Variants in SCLT1 observed in about 807,000 individuals in gnomAD.
SCLT1 encodes the protein sodium channel and clathrin linker 1, also known as sodium channel-associated protein 1.
SCLT1 carries 78 observed loss-of-function variants against 112.8 expected under a neutral mutation model. That is an observed-to-expected ratio of 0.69 (90% CI 0.58 to 0.83). SCLT1 has a LOEUF of 0.83. SCLT1 is among the 40% of genes least tolerant of loss of function. SCLT1 has a pLI of 0.00. For missense variants in SCLT1, 747 were observed against 770.4 expected (o/e 0.97, Z 0.36); for synonymous variants, 257 against 254.7 (o/e 1.01, Z -0.09).
chr4:128,892,737 A>T (rs1344574478), intron 18 of SCLT1, among the ~76,000 whole-genome samples: 1 of 152,238 alleles, frequency 6.6e-6, no homozygotes, highest in Non-Finnish European at 1.5e-5. Context: ...TTGTCATCAC[A>T]GAACTGACAG....
intron 18 of SCLT1, among the ~76,000 whole-genome samples, chr4:128,933,829 C>T (rs1042366823): frequency 6.6e-6 from 1 of 151,916 alleles, no homozygotes; most frequent in Non-Finnish European, 1.5e-5. Flanking sequence ...ACTCAACTGC[C>T]TTATCCTATA....
chr4:128,908,464 A>T (rs1454089270), intron 18 of SCLT1, among the ~76,000 whole-genome samples: 1 of 152,090 alleles, frequency 6.6e-6, no homozygotes, highest in Admixed American at 6.6e-5. Flanking sequence ...TGTTTTACAA[A>T]GTGAAGAGAA....
At chr4:128,967,955 TC>T (rs1475886212) in intron 10 of SCLT1, among the ~76,000 whole-genome samples, 24 of 152,322 alleles carry the variant, frequency 1.6e-4, no homozygotes, top group Admixed American at 2.0e-4. Context: ...TTCCACAGTT[TC>T]TTGATGAGAA....
At chr4:129,069,521 C>A (rs1310878834) in intron 2 of SCLT1, among the ~76,000 whole-genome samples, 2 of 143,872 alleles carry the variant, frequency 1.4e-5, no homozygotes, top group African/African-American at 2.5e-5. Flanking sequence ...ATTTTTGCAG[C>A]TTTGTAAAAG....
intron 8 of SCLT1, 151 bp from the exon 9 acceptor site, chr4:128,992,388 T>C (rs1742652915): frequency 1.8e-6 from 1 of 547,376 alleles, no homozygotes; most frequent in Non-Finnish European, 3.2e-6. Flanking sequence ...CTTGGCCTTC[T>C]TTCCTTGCCT....
intron 5 of SCLT1, among the ~76,000 whole-genome samples, chr4:129,010,563 C>A (rs1312879759): frequency 2.0e-5 from 3 of 152,044 alleles, no homozygotes; most frequent in East Asian, 3.9e-4. Context: ...AACATTTTTT[C>A]ATTTGTTTGT....
intron 18 of SCLT1, among the ~76,000 whole-genome samples, chr4:128,918,471 C>A (rs1169589696): frequency 6.6e-6 from 1 of 152,048 alleles, no homozygotes; most frequent in Non-Finnish European, 1.5e-5. Flanking sequence ...TCTGAAATAA[C>A]TCAGATAAAA....
At chr4:128,885,929 T>C (rs1311494498) in intron 20 of SCLT1, among the ~76,000 whole-genome samples, 1 of 152,198 alleles carries the variant, frequency 6.6e-6, no homozygotes, top group Admixed American at 6.5e-5. Flanking sequence ...TCCATAAACT[T>C]CCTTTATATA....
At chr4:128,983,042 C>A (rs1161564695) in intron 9 of SCLT1, among the ~76,000 whole-genome samples, 1 of 152,014 alleles carries the variant, frequency 6.6e-6, no homozygotes, top group Non-Finnish European at 1.5e-5. Context: ...GCATATGCCA[C>A]CACGTCCGGC....
At chr4:129,004,250 G>C (rs1208687272) in intron 5 of SCLT1, among the ~76,000 whole-genome samples, 1 of 152,046 alleles carries the variant, frequency 6.6e-6, no homozygotes, top group East Asian at 1.9e-4. Flanking sequence ...TCAATTAAAT[G>C]AAAATTATAT....
chr4:128,877,752 T>C (rs1029375110), intron 3 of SCLT1, among the ~76,000 whole-genome samples: 3 of 151,994 alleles, frequency 2.0e-5, no homozygotes, highest in African/African-American at 7.2e-5. Context: ...GTTAAATGAA[T>C]TGGTAAATTT....
chr4:128,932,809 T>C (rs538301817), intron 18 of SCLT1, among the ~76,000 whole-genome samples: 1 of 152,158 alleles, frequency 6.6e-6, no homozygotes, highest in Admixed American at 6.6e-5. Context: ...TTAACAGCAA[T>C]CTATCTGAAA....
Position 129,039,021 on chromosome 4 carries a change from C to T in SCLT1, c.290+20G>A. On this transcript the variant is annotated intron_variant, in intron 5 of 20. Coordinates refer to ENST00000281142, the MANE Select transcript of SCLT1 (RefSeq NM_144643.4). Reference sequence around the variant, plus strand: ...CCTAAGACAATAATAAAAGATAAAACCAATAGTTAATTGATTTACCTTTCA... The same window carrying T: ...CCTAAGACAATAATAAAAGATAAAATCAATAGTTAATTGATTTACCTTTCA... 7.3e-7 allele frequency: 1 copy of T among 1,361,202 alleles called. No homozygotes were observed. Among genetic ancestry groups the T allele is most frequent in the Non-Finnish European group, 1.1e-6 (1 of 952,150 alleles). The allele number at this position is 1,361,202 out of a possible 1,614,324, so 84.3% of individuals were successfully genotyped here. A position where few individuals can be genotyped will look rare whatever the true frequency, so the allele number is the denominator to read the frequency against.
chr4:129,034,733 G>A (rs1475459248), intron 5 of SCLT1, among the ~76,000 whole-genome samples: 2 of 150,536 alleles, frequency 1.3e-5, no homozygotes, highest in African/African-American at 5.0e-5. Context: ...AGGCCAGAGA[G>A]TACATAAATA....
chr4:128,890,463 G>A (rs901066526), intron 19 of SCLT1, among the ~76,000 whole-genome samples: 9 of 152,002 alleles, frequency 5.9e-5, no homozygotes, highest in African/African-American at 1.9e-4. Flanking sequence ...TAGGAGTAAC[G>A]ATTTCACTAT....
chr4:129,077,578 T>C (rs1477831204), intron 2 of SCLT1, among the ~76,000 whole-genome samples: 1 of 152,110 alleles, frequency 6.6e-6, no homozygotes, highest in African/African-American at 2.4e-5. Flanking sequence ...TCAACAAATA[T>C]TTATCAAATG....
intron 2 of SCLT1, among the ~76,000 whole-genome samples, chr4:129,058,631 A>G (rs2125726989): frequency 6.6e-6 from 1 of 152,306 alleles, no homozygotes; most frequent in African/African-American, 2.4e-5. Context: ...GTGGCCTAAT[A>G]TGATATCTCA....
At chr4:128,878,085 T>C (rs1732561537) in intron 3 of SCLT1, among the ~76,000 whole-genome samples, 1 of 152,190 alleles carries the variant, frequency 6.6e-6, no homozygotes, top group African/African-American at 2.4e-5. Context: ...TTTCTTGATG[T>C]TGAGAACTAA....
At chr4:128,937,488 G>A (rs1030608481) in intron 17 of SCLT1, among the ~76,000 whole-genome samples, 1 of 152,024 alleles carries the variant, frequency 6.6e-6, no homozygotes, top group Admixed American at 6.5e-5. Flanking sequence ...TCTGATTTCT[G>A]TTGCCAGAAT....
Sources: gnomAD v4.1 joint callset for allele counts (sites outside exome capture counted in the v4.1 genomes callset) on GRCh38, gnomAD v4.1.1 for gene constraint, MANE v1.5 for transcripts, NCBI Gene and HGNC (gene_info 2026-07-23, HGNC 2026-07-21) for gene names.